Variants in LARP1B observed in about 807,000 individuals in gnomAD.
The protein encoded by LARP1B is La ribonucleoprotein 1B, also known as la-related protein 1B.
LARP1B carries 76 observed loss-of-function variants against 114.2 expected under a neutral mutation model. The ratio of observed to expected loss-of-function variants is 0.67; its 90% CI spans 0.55 to 0.81. The LOEUF (loss-of-function observed/expected upper bound fraction) is 0.81, where lower values mean the gene tolerates loss of function less well. Among genes scored for constraint, LARP1B ranks in the 30% least tolerant of loss-of-function variants. The pLI, the probability that LARP1B is intolerant of heterozygous loss-of-function variation, is 0.00. For synonymous variants in LARP1B, 345 were observed against 348.0 expected, an observed-to-expected ratio of 0.99 and a Z score of 0.10; for missense variants, 1,014 against 1,075.8, an observed-to-expected ratio of 0.94 and a Z score of 0.80.
chr4:128,192,230 A>G (rs1422457879), intron 15 of LARP1B, among the ~76,000 whole-genome samples: 1 of 152,166 alleles, frequency 6.6e-6, no homozygotes, highest in African/African-American at 2.4e-5. Context: ...TGTAAATATA[A>G]CTTTTATATT....
intron 11 of LARP1B, among the ~76,000 whole-genome samples, chr4:128,142,481 A>G (rs1212548451): frequency 1.3e-5 from 2 of 151,372 alleles, no homozygotes; most frequent in African/African-American, 2.4e-5. Flanking sequence ...CAGTTCCATT[A>G]TTAGTCCTCT....
chr4:128,060,878 G>T (rs1051596915), upstream of LARP1B, among the ~76,000 whole-genome samples: 1 of 152,176 alleles, frequency 6.6e-6, no homozygotes, highest in African/African-American at 2.4e-5. Flanking sequence ...CCAGGCCGGG[G>T]GTCGACACCG....
downstream of LARP1B, chr4:128,222,719 G>A (rs1760107209): frequency 5.0e-6 from 1 of 199,636 alleles, no homozygotes; most frequent in Non-Finnish European, 1.0e-5. Flanking sequence ...GTTAAGACCT[G>A]TCTCCAATAG....
At chr4:128,195,511 A>G (rs190868409) in intron 15 of LARP1B, among the ~76,000 whole-genome samples, 59 of 152,306 alleles carry the variant, frequency 3.9e-4, no homozygotes, top group African/African-American at 1.3e-3. Flanking sequence ...TATGCTTTCA[A>G]TAAATGTTCC....
chr4:128,118,618 T>C (rs948545937), intron 10 of LARP1B, among the ~76,000 whole-genome samples: 4 of 152,018 alleles, frequency 2.6e-5, no homozygotes, highest in African/African-American at 4.8e-5. Context: ...ATTTCCACTT[T>C]CTGGTATCTG....
At chr4:128,109,938 C>G (rs1026650985) in intron 9 of LARP1B, among the ~76,000 whole-genome samples, 1 of 145,208 alleles carries the variant, frequency 6.9e-6, no homozygotes, top group Non-Finnish European at 1.5e-5. Flanking sequence ...GAGCCTCACT[C>G]TGTCGCTCAG....
In LARP1B at chr4:128,107,148, G is replaced by T. The variant is rs1561239982; in HGVS notation, c.823G>T (p.Asp275Tyr). 6.2e-7 allele frequency: 1 copy of T among 1,613,544 alleles called. No individual in the cohort carries two copies. Among genetic ancestry groups the T allele is most frequent in the Non-Finnish European group, 8.5e-7 (1 of 1,179,652 alleles). The change falls in exon 9 of 20, where the codon GAT becomes TAT. Residue 275 changes from aspartate (D) to tyrosine (Y), a missense_variant. By Grantham distance (160) the Asp-to-Tyr change is radical. Coordinates refer to ENST00000326639, the MANE Select transcript of LARP1B (RefSeq NM_018078.4). The part of the protein sequence containing the change: ...NLNLILEALK[D>Y]STEVEIVDEK... ...CAATTTCTGTTAATAGGCACTGAAG[G>T]ATAGCACAGAAGTAGAAATTGTGGA...
At chr4:128,171,635 TATC>T (rs1743790050) in intron 12 of LARP1B, among the ~76,000 whole-genome samples, 1 of 152,222 alleles carries the variant, frequency 6.6e-6, no homozygotes, top group African/African-American at 2.4e-5. Flanking sequence ...TTTCCTTTGT[TATC>T]ATTTTCTTCT....
Position 128,162,285 on chromosome 4 carries a change from A to G in LARP1B, c.1616A>G (p.Glu539Gly), listed in dbSNP as rs994435813. ...GAACTTCCTTTTGAGCCAAACCAAGAAGTTCCTGTAGCACCTTCACAGTCC... is the reference window on the plus strand; with the variant it reads ...GAACTTCCTTTTGAGCCAAACCAAGGAGTTCCTGTAGCACCTTCACAGTCC... ...TPELPFEPNQ[E>G]VPVAPSQSRQ... Residue 539 changes from glutamate to glycine, a missense_variant, in exon 12 of 20, where the codon GAA becomes GGA. Physicochemically the swap from Glu to Gly is moderately conservative, Grantham distance 98. Transcript: ENST00000326639. 3.7e-6 allele frequency: 6 copies of G among 1,613,238 alleles called. No homozygotes were observed. The Admixed American group carries it at 5.0e-5, about 13-fold the overall frequency.
At chr4:128,093,392 C>T (rs571148563) in intron 7 of LARP1B, among the ~76,000 whole-genome samples, 1 of 151,968 alleles carries the variant, frequency 6.6e-6, no homozygotes, top group Non-Finnish European at 1.5e-5. Context: ...GTCAGGAGAT[C>T]GAGACCATCT....
At chr4:128,174,647 C>T (rs941122835) in intron 12 of LARP1B, among the ~76,000 whole-genome samples, 7 of 151,998 alleles carry the variant, frequency 4.6e-5, no homozygotes, top group African/African-American at 1.7e-4. Flanking sequence ...TTAATGAAAT[C>T]CCCATGTATC....
At chr4:128,068,726 T>G (rs1235741846) in intron 1 of LARP1B, among the ~76,000 whole-genome samples, 3 of 152,100 alleles carry the variant, frequency 2.0e-5, no homozygotes, top group Non-Finnish European at 2.9e-5. Flanking sequence ...TTTTTTTCCC[T>G]CTTTTAAATA....
chr4:128,182,099 A>G (rs1160221720), intron 15 of LARP1B, among the ~76,000 whole-genome samples: 4 of 139,776 alleles, frequency 2.9e-5, no homozygotes, highest in Non-Finnish European at 6.1e-5. Context: ...GGCATGAGCC[A>G]CTGCACCCGG....
chr4:128,094,400 CTTTTT>C (rs776529101), intron 7 of LARP1B, among the ~76,000 whole-genome samples: 3 of 128,740 alleles, frequency 2.3e-5, no homozygotes, highest in Non-Finnish European at 4.9e-5. Context: ...TTTTCTTTTT[CTTTTT>C]TTTTTTTTTT....
At chr4:128,178,163 G>C (rs1747062047) in intron 13 of LARP1B, among the ~76,000 whole-genome samples, 1 of 151,174 alleles carries the variant, frequency 6.6e-6, no homozygotes, top group African/African-American at 2.4e-5. Context: ...AGAAGGGAAA[G>C]CAGGAGGGAA....
At chr4:128,115,116 G>T (rs1580601351) in intron 10 of LARP1B, among the ~76,000 whole-genome samples, 3 of 151,830 alleles carry the variant, frequency 2.0e-5, no homozygotes, top group African/African-American at 7.3e-5. Context: ...TTTTGTATTT[G>T]TAGTAGAGAC....
chr4:128,062,069 G>T (rs1362119996), intron 1 of LARP1B: 2 of 985,380 alleles, frequency 2.0e-6, no homozygotes, highest in Non-Finnish European at 2.4e-6. Flanking sequence ...GGCCGAGGAC[G>T]CCCGGGAAGA....
intron 13 of LARP1B, 119 bp from the exon 14 acceptor site, chr4:128,178,312 A>G: frequency 1.5e-6 from 1 of 675,472 alleles, no homozygotes. Context: ...GTTTTTATAT[A>G]TTTGAAATGT....
intron 10 of LARP1B, among the ~76,000 whole-genome samples, chr4:128,121,064 G>A (rs867936475): frequency 6.7e-5 from 10 of 150,304 alleles, no homozygotes; most frequent in Non-Finnish European, 8.9e-5. Context: ...CCGCCTCAGC[G>A]TCCCAAAGTG....
Sources: gnomAD v4.1 joint callset for allele counts (sites outside exome capture counted in the v4.1 genomes callset) on GRCh38, gnomAD v4.1.1 for gene constraint, MANE v1.5 for transcripts, NCBI Gene and HGNC (gene_info 2026-07-23, HGNC 2026-07-21) for gene names.